Variants in PLD1 observed in about 807,000 individuals in gnomAD.
The protein encoded by PLD1 is choline phosphatase 1.
PLD1 carries 112 observed loss-of-function variants against 137.1 expected under a neutral mutation model. The ratio of observed to expected loss-of-function variants is 0.82; its 90% CI spans 0.70 to 0.96. The LOEUF (loss-of-function observed/expected upper bound fraction) is 0.96, where lower values mean the gene tolerates loss of function less well. PLD1 is among the 40% of genes least tolerant of loss of function. The pLI is 0.00. For synonymous variants in PLD1, 431 were observed against 454.7 expected, an observed-to-expected ratio of 0.95 and a Z score of 0.66; for missense variants, 1,321 against 1,342.0, an observed-to-expected ratio of 0.98 and a Z score of 0.24.
chr3:171,725,351 T>C lies in PLD1; in HGVS notation c.666-563A>G, dbSNP rs555244261. The stretch of plus-strand genomic sequence containing the variant: ...TCACCCACAGATTCCAGGACATCTC[T>C]GTGTCTCTTCACACCCAGTTCTAGC... On this transcript the variant is annotated intron_variant, in intron 7 of 26. Coordinates refer to ENST00000351298, the MANE Select transcript of PLD1 (RefSeq NM_002662.5). Among the ~76,000 whole-genome samples, 43 of 152,336 alleles carry C rather than the reference T, an allele frequency of 2.8e-4. 1 individual carries two copies. In the South Asian group the frequency reaches 7.0e-3, roughly 25 times the overall value.
At chr3:171,693,834 T>C (rs1380060120) in intron 12 of PLD1, among the ~76,000 whole-genome samples, 1 of 152,174 alleles carries the variant, frequency 6.6e-6, no homozygotes, top group Non-Finnish European at 1.5e-5. Context: ...TGGTGATTAG[T>C]CATTGTTTAT....
intron 23 of PLD1, among the ~76,000 whole-genome samples, chr3:171,641,339 G>T (rs1351841520): frequency 6.6e-6 from 1 of 152,182 alleles, no homozygotes; most frequent in African/African-American, 2.4e-5. Flanking sequence ...ACTTTTGTCA[G>T]TATTTTTGTT....
chr3:171,699,694 G>A (rs1350407477), intron 12 of PLD1, 51 bp downstream of exon 12: 1 of 1,294,146 alleles, frequency 7.7e-7, no homozygotes, highest in Non-Finnish European at 1.1e-6. Context: ...GCATTTCAGA[G>A]ACAACAGACA....
At chr3:171,698,879 G>C (rs898530421) in intron 12 of PLD1, among the ~76,000 whole-genome samples, 5 of 150,492 alleles carry the variant, frequency 3.3e-5, no homozygotes, top group African/African-American at 1.2e-4. Context: ...GGGAGGCTGA[G>C]GCAGGAGAAT....
intron 1 of PLD1, among the ~76,000 whole-genome samples, chr3:171,758,559 G>A (rs1721186775): frequency 6.6e-6 from 1 of 152,128 alleles, no homozygotes; most frequent in Non-Finnish European, 1.5e-5. Context: ...CAAAACCTTG[G>A]CCACACTCTG....
intron 1 of PLD1, among the ~76,000 whole-genome samples, chr3:171,764,868 A>AAAGGAAGG (rs1721735239): frequency 3.7e-5 from 1 of 27,350 alleles, no homozygotes; most frequent in Non-Finnish European, 7.9e-5. Flanking sequence ...AGAAAGAAAG[A>AAAGGAAGG]AAGAAAGAAA....
chr3:171,621,725 T>G (rs928741484), intron 23 of PLD1, among the ~76,000 whole-genome samples: 10 of 152,186 alleles, frequency 6.6e-5, no homozygotes, highest in Admixed American at 6.5e-4. Flanking sequence ...TCTAAAACGT[T>G]TCATGTAAAT....
At chr3:171,804,370 T>TGAAA (rs572856782) in intron 1 of PLD1, among the ~76,000 whole-genome samples, 102 of 152,278 alleles carry the variant, frequency 6.7e-4, no homozygotes, top group African/African-American at 2.3e-3. Flanking sequence ...ATAGAGCAAA[T>TGAAA]AAATAAGTAA....
intron 19 of PLD1, chr3:171,666,392 A>G (rs937442125): frequency 1.3e-5 from 2 of 152,184 alleles, no homozygotes; most frequent in African/African-American, 2.4e-5. Flanking sequence ...ATCTCATGAG[A>G]CTTATTCACT....
At chr3:171,684,649 G>T (rs1366684530) in intron 16 of PLD1, among the ~76,000 whole-genome samples, 1 of 152,186 alleles carries the variant, frequency 6.6e-6, no homozygotes, top group Non-Finnish European at 1.5e-5. Flanking sequence ...AGGCTGGACT[G>T]CAGTGGCATG....
At chr3:171,672,142 A>T (rs374879447) in intron 19 of PLD1, among the ~76,000 whole-genome samples, 3 of 152,328 alleles carry the variant, frequency 2.0e-5, no homozygotes, top group South Asian at 4.1e-4. Context: ...AAACTCTTAC[A>T]GCATGCTGGT....
rs1484009655 is a variant in PLD1 at position 171,740,820 on chromosome 3, T to A, written c.-31-2738A>T. Among the ~76,000 whole-genome samples, 2 of 152,242 alleles carry A rather than the reference T, an allele frequency of 1.3e-5. 1 individual carries two copies. Among genetic ancestry groups the A allele is most frequent in the Non-Finnish European group, 2.9e-5 (2 of 68,020 alleles). On this transcript the variant is annotated intron_variant, in intron 1 of 26. Coordinates refer to ENST00000351298, the MANE Select transcript of PLD1 (RefSeq NM_002662.5). The stretch of plus-strand genomic sequence containing the variant: ...ATTTTAGCACAGTTATGTTATTTAA[T>A]ACTCACAATGACCCTACCTGGTAGG...
chr3:171,664,826 T>C (rs1275973604), intron 19 of PLD1, among the ~76,000 whole-genome samples: 2 of 152,172 alleles, frequency 1.3e-5, no homozygotes, highest in Non-Finnish European at 2.9e-5. Flanking sequence ...TTAAATATCA[T>C]GGAGGTTCAG....
At position 171,602,997 on chromosome 3, in the gene PLD1, T is replaced by C. The variant is rs1731932555; in HGVS notation, c.*81A>G. ...ATACGAGAATGCGTCAGGCCTGGCT[T>C]TGGCTATGACATCCCCAGGAAGTCA... On this transcript the variant is annotated 3_prime_UTR_variant, in exon 27 of 27. Coordinates refer to ENST00000351298, the MANE Select transcript of PLD1 (RefSeq NM_002662.5). The C allele has an allele frequency of 1.9e-6, 2 of 1,028,212 alleles. No homozygotes were observed. Among genetic ancestry groups the C allele is most frequent in the African/African-American group, 1.6e-5 (1 of 63,434 alleles). The allele number at this position is 1,028,212 out of a possible 1,614,324, so 63.7% of individuals were successfully genotyped here.
At chr3:171,623,713 G>A (rs1028589606) in intron 23 of PLD1, among the ~76,000 whole-genome samples, 1 of 151,838 alleles carries the variant, frequency 6.6e-6, no homozygotes, top group Non-Finnish European at 1.5e-5. Flanking sequence ...CCAGTGAATG[G>A]GATAGAAAGT....
At chr3:171,686,375 A>G (rs1714559323) in intron 16 of PLD1, among the ~76,000 whole-genome samples, 2 of 152,114 alleles carry the variant, frequency 1.3e-5, no homozygotes, top group Admixed American at 6.5e-5. Context: ...CCCTCCTCAA[A>G]AAGTCTTTCT....
At chr3:171,666,446 T>A (rs1560195880) in intron 19 of PLD1, 1 of 152,256 alleles carries the variant, frequency 6.6e-6, no homozygotes, top group Non-Finnish European at 1.5e-5. Flanking sequence ...ATGATTCAGT[T>A]ACCTCCCACT....
intron 23 of PLD1, among the ~76,000 whole-genome samples, chr3:171,639,465 T>C (rs1480977088): frequency 8.2e-6 from 1 of 121,640 alleles, no homozygotes; most frequent in African/African-American, 3.3e-5. Context: ...TTAGATATAA[T>C]ATATTCATTT....
chr3:171,747,902 GGTGGTGCTCAAC>G (rs1720358920), intron 1 of PLD1, among the ~76,000 whole-genome samples: 1 of 152,028 alleles, frequency 6.6e-6, no homozygotes, highest in African/African-American at 2.4e-5. Flanking sequence ...AGTAACTTTA[GGTGGTGCTCAAC>G]TTCCTCACCT....
Sources: allele counts gnomAD v4.1 joint callset (sites outside exome capture counted in the v4.1 genomes callset), GRCh38; gene constraint gnomAD v4.1.1; transcripts MANE v1.5; gene names NCBI Gene and HGNC (gene_info 2026-07-23, HGNC 2026-07-21).